The following DUSP18 variants were observed in gnomAD, a reference collection of about 807,000 sequenced individuals.
DUSP18 encodes dual specificity protein phosphatase 18.
DUSP18 carries 4 observed loss-of-function variants against 6.3 expected under a neutral mutation model. The ratio of observed to expected loss-of-function variants is 0.63; its 90% CI spans 0.31 to 1.45. The LOEUF (loss-of-function observed/expected upper bound fraction) is 1.45. Ranked by LOEUF, DUSP18 falls within the 40% of genes most tolerant of loss-of-function variation. DUSP18 has a pLI of 0.07. For missense variants in DUSP18, 235 were observed against 247.7 expected (o/e 0.95, Z 0.34); for synonymous variants, 96 against 95.1 (o/e 1.01, Z -0.05).
In DUSP18 at chr22:30,663,297, C is replaced by A; in HGVS notation, c.*140G>T. 5 of 804,546 alleles carry A rather than the reference C, an allele frequency of 6.2e-6. No individual in the cohort carries two copies. Among genetic ancestry groups the A allele is most frequent in the Non-Finnish European group, 9.6e-6 (5 of 518,930 alleles). The allele number at this position is 804,546 out of a possible 1,614,324, so 49.8% of individuals were successfully genotyped here. ...TGGATTATAAAGTTAAAAGCTACAG[C>A]AACTCTTTTTTGTGCTCATAAAAGG... On this transcript the variant is annotated 3_prime_UTR_variant, in exon 2 of 2. Transcript: ENST00000334679.
At chr22:30,658,074 C>A (rs1465425935), downstream of DUSP18, among the ~76,000 whole-genome samples, 17 of 151,466 alleles carry the variant, frequency 1.1e-4, no homozygotes, top group Non-Finnish European at 2.1e-4. Flanking sequence ...ACCACAGTAT[C>A]TAGCCTGGGC....
chr22:30,655,602 C>T (rs944247906), intron 2 of DUSP18, among the ~76,000 whole-genome samples: 5 of 151,902 alleles, frequency 3.3e-5, no homozygotes, highest in African/African-American at 1.2e-4. Context: ...AGTATCCCTT[C>T]CATACCCAGG....
At position 30,663,453 on chromosome 22, in the gene DUSP18, A is replaced by C. The variant is rs534843581; in HGVS notation, c.551T>G (p.Leu184Trp). ...IPDIYEKEVRLMIPL is the reference protein window; with the variant it reads ...IPDIYEKEVRWMIPL ...TGGGATGGCTCACAGTGGAATCATC[A>C]AACGGACTTCCTTCTCATAGATGTC... The change falls in exon 2 of 2, where the codon TTG becomes TGG. Residue 184 changes from leucine (L) to tryptophan (W), a missense_variant. Coordinates refer to ENST00000334679, the MANE Select transcript of DUSP18 (RefSeq NM_152511.5). 29 of 1,610,540 alleles carry C rather than the reference A, an allele frequency of 1.8e-5. No homozygotes were observed. The highest frequency in any genetic ancestry group is 1.8e-5 in the Non-Finnish European group (21 of 1,176,938).
Position 30,663,127 on chromosome 22 carries a change from C to T in DUSP18, c.*310G>A, listed in dbSNP as rs191779581. 3.5e-6 allele frequency: 1 copy of T among 289,214 alleles called. No homozygotes were observed. Among genetic ancestry groups the T allele is most frequent in the Admixed American group, 4.8e-5 (1 of 21,006 alleles). 17.9% of individuals were successfully genotyped at this position (289,214 alleles called of 1,614,324 possible). A position where few individuals can be genotyped will look rare whatever the true frequency, so the allele number is the denominator to read the frequency against. On this transcript the variant is annotated 3_prime_UTR_variant, in exon 2 of 2. Transcript: ENST00000334679. ...GTCAATCTGTTTTTGGGGAGGGCTG[C>T]AGGATTCCAGGCCTGCCATGTGCAA...
At chr22:30,660,324 AAC>A (rs1402614669), downstream of DUSP18, among the ~76,000 whole-genome samples, 2 of 152,020 alleles carry the variant, frequency 1.3e-5, no homozygotes, top group African/African-American at 4.8e-5. Flanking sequence ...TTTTTTTTGA[AAC>A]ACAGTCTCAC....
chr22:30,657,742 A>C (rs543172102), downstream of DUSP18, among the ~76,000 whole-genome samples: 1 of 150,890 alleles, frequency 6.6e-6, no homozygotes, highest in Non-Finnish European at 1.5e-5. Context: ...ATCTCTACTA[A>C]AAGTACAAAA....
In DUSP18 at chr22:30,663,973, G is replaced by C; in HGVS notation, c.31C>G (p.Gln11Glu). 7 of 1,614,036 alleles carry C rather than the reference G, an allele frequency of 4.3e-6. No homozygotes were observed. Among genetic ancestry groups the C allele is most frequent in the Non-Finnish European group, 5.9e-6 (7 of 1,179,880 alleles). ...CCGCTGACTGAGGGCTGCCGGAACT[G>C]AACTGGGAAGGCACACGAGGGTGCT... MTAPSCAFPV[Q>E]FRQPSVSGLS... Residue 11 changes from glutamine to glutamate, a missense_variant, in exon 2 of 2, where the codon CAG (glutamine) becomes GAG (glutamate). Coordinates refer to ENST00000334679, the MANE Select transcript of DUSP18 (RefSeq NM_152511.5).
chr22:30,666,015 G>A (rs2088640968), intron 1 of DUSP18, among the ~76,000 whole-genome samples: 1 of 152,174 alleles, frequency 6.6e-6, no homozygotes, highest in Non-Finnish European at 1.5e-5. Flanking sequence ...ACCTGCCAAT[G>A]CCCCAGACTC....
At chr22:30,656,572 G>T (rs959108314), downstream of DUSP18, among the ~76,000 whole-genome samples, 4 of 152,316 alleles carry the variant, frequency 2.6e-5, no homozygotes, top group Admixed American at 2.6e-4. Flanking sequence ...CCTGTTCTAA[G>T]CCAGGCTGGT....
Position 30,663,979 on chromosome 22 carries a change from G to T in DUSP18, c.25C>A (p.Pro9Thr). 1 of 1,613,918 alleles carries T rather than the reference G, an allele frequency of 6.2e-7. No homozygotes were observed. The highest frequency in any genetic ancestry group is 8.5e-7 in the Non-Finnish European group (1 of 1,179,782). ...ACTGAGGGCTGCCGGAACTGAACTG[G>T]GAAGGCACACGAGGGTGCTGTCATC... The part of the protein sequence containing the change: MTAPSCAF[P>T]VQFRQPSVSG... Residue 9 changes from proline (P) to threonine (T), a missense_variant, in exon 2 of 2, where the codon CCA becomes ACA. Coordinates refer to ENST00000334679, the MANE Select transcript of DUSP18 (RefSeq NM_152511.5).
chr22:30,657,826 C>G (rs546060503), downstream of DUSP18, among the ~76,000 whole-genome samples: 5 of 151,328 alleles, frequency 3.3e-5, no homozygotes, highest in African/African-American at 1.2e-4. Flanking sequence ...ATGACGTGAA[C>G]TCGGGAGGCG....
At chr22:30,658,754 G>A (rs1022069290), downstream of DUSP18, among the ~76,000 whole-genome samples, 5 of 152,164 alleles carry the variant, frequency 3.3e-5, no homozygotes, top group African/African-American at 1.2e-4. Flanking sequence ...TCCAGTGAAT[G>A]AGAACTGAAC....
At chr22:30,659,767 G>T (rs1163344633), downstream of DUSP18, among the ~76,000 whole-genome samples, 1 of 152,242 alleles carries the variant, frequency 6.6e-6, no homozygotes, top group Non-Finnish European at 1.5e-5. Context: ...GACTGCAGAT[G>T]TAACTTATGC....
intron 2 of DUSP18, among the ~76,000 whole-genome samples, chr22:30,652,827 G>A (rs1451525611): frequency 4.6e-5 from 7 of 152,146 alleles, no homozygotes; most frequent in African/African-American, 1.7e-4. Context: ...GTCACACTCT[G>A]TCATTTCTCC....
At chr22:30,664,299 C>T (rs2088576245) in intron 1 of DUSP18, among the ~76,000 whole-genome samples, 1 of 152,206 alleles carries the variant, frequency 6.6e-6, no homozygotes, top group African/African-American at 2.4e-5. Flanking sequence ...TCTGCATTTT[C>T]AGCATGCTTC....
At position 30,663,278 on chromosome 22, in the gene DUSP18, A is replaced by G; in HGVS notation, c.*159T>C. On this transcript the variant is annotated 3_prime_UTR_variant, in exon 2 of 2. Coordinates refer to ENST00000334679, the MANE Select transcript of DUSP18 (RefSeq NM_152511.5). ...AGTTTAATCTTAAAAAAAATGGATT[A>G]TAAAGTTAAAAGCTACAGCAACTCT... 1 of 739,334 alleles carries G rather than the reference A, an allele frequency of 1.4e-6. No homozygotes were observed. The highest frequency in any genetic ancestry group is 2.0e-5 in the South Asian group (1 of 48,884). The allele number at this position is 739,334 out of a possible 1,614,324, so 45.8% of individuals were successfully genotyped here.
intron 2 of DUSP18, among the ~76,000 whole-genome samples, chr22:30,653,664 A>G (rs2088272655): frequency 6.6e-6 from 1 of 151,608 alleles, no homozygotes; most frequent in African/African-American, 2.4e-5. Flanking sequence ...CTGAGCCACC[A>G]CGCCTGGCCG....
rs890856423 is a variant in DUSP18, at chr22:30,662,433, C to T, written c.*1004G>A. On this transcript the variant is annotated 3_prime_UTR_variant, in exon 2 of 2. Transcript: ENST00000334679. Reference sequence around the variant, plus strand: ...ATGTTAGGCCTGTTTTTCTCATGTGCCCTGGAGAAGGGGACTAACACCATC... The same window carrying T: ...ATGTTAGGCCTGTTTTTCTCATGTGTCCTGGAGAAGGGGACTAACACCATC... 2 of 152,130 alleles carry T rather than the reference C, an allele frequency of 1.3e-5. No homozygotes were observed. The highest frequency in any genetic ancestry group is 2.9e-5 in the Non-Finnish European group (2 of 68,030). 9.4% of individuals were successfully genotyped at this position (152,130 alleles called of 1,614,324 possible).
At chr22:30,665,545 G>A (rs147864456) in intron 1 of DUSP18, 1 of 470,900 alleles carries the variant, frequency 2.1e-6, no homozygotes, top group African/African-American at 2.0e-5. Flanking sequence ...GGAGCCTTAA[G>A]ATATCAACTT....
Sources: gnomAD v4.1 joint callset for allele counts (sites outside exome capture counted in the v4.1 genomes callset) on GRCh38, gnomAD v4.1.1 for gene constraint, MANE v1.5 for transcripts, NCBI Gene and HGNC (gene_info 2026-07-23, HGNC 2026-07-21) for gene names.